SIK2: variants seen among roughly 807,000 people sequenced by gnomAD.
SIK2 encodes the protein salt inducible kinase 2.
Under a neutral mutation model 103.2 loss-of-function variants are expected in SIK2, and 29 were observed. The observed-to-expected ratio is 0.28, with a 90% confidence interval of 0.21 to 0.38. SIK2 has a LOEUF of 0.38. Ranked by LOEUF, SIK2 falls within the 10% of genes least tolerant of loss-of-function variation. SIK2 has a pLI of 1.00. For missense variants in SIK2, 879 were observed against 1,171.0 expected (o/e 0.75, Z 3.64); for synonymous variants, 412 against 446.1 (o/e 0.92, Z 0.96).
In SIK2 at chr11:111,722,641, C is replaced by T. The variant is rs1943836443; in HGVS notation, c.2056-24C>T. On this transcript the variant is annotated intron_variant, in intron 13 of 14. Coordinates refer to ENST00000304987, the MANE Select transcript of SIK2 (RefSeq NM_015191.3). This position sits in a 1 kb window ranked among gnomAD's most constrained non-coding sequence, Gnocchi z 4.4. The stretch of plus-strand genomic sequence containing the variant: ...CTAGGTGACAGCACATTGTCACGCT[C>T]ATGTTGTTTTTCTGCTCTTCCAGAA... 1.2e-6 allele frequency: 2 copies of T among 1,608,084 alleles called. No individual in the cohort carries two copies. The highest frequency in any genetic ancestry group is 1.7e-6 in the Non-Finnish European group (2 of 1,176,172).
At chr11:111,614,823 G>A (rs1455715283) in intron 1 of SIK2, among the ~76,000 whole-genome samples, 1 of 152,148 alleles carries the variant, frequency 6.6e-6, no homozygotes, top group Non-Finnish European at 1.5e-5. Flanking sequence ...AGCTGTCATA[G>A]CATGTGCAAT....
chr11:111,666,872 G>C (rs1181625184), intron 3 of SIK2, among the ~76,000 whole-genome samples: 1 of 152,092 alleles, frequency 6.6e-6, no homozygotes, highest in Non-Finnish European at 1.5e-5. Context: ...ATTTTTTGCA[G>C]ATAAATAGTC....
intron 3 of SIK2, among the ~76,000 whole-genome samples, chr11:111,651,116 A>T (rs1942321237): frequency 6.6e-6 from 1 of 152,194 alleles, no homozygotes; most frequent in South Asian, 2.1e-4. Context: ...TATAAAAGGA[A>T]GATTGTTCTT....
In SIK2 at chr11:111,694,561, G is replaced by T. The variant is rs1181610792; in HGVS notation, c.479-6325G>T. Among the ~76,000 whole-genome samples, 5 of 151,992 alleles carry T rather than the reference G, an allele frequency of 3.3e-5. No homozygotes were observed. In the East Asian group the frequency reaches 9.6e-4, roughly 29 times the overall value. ...GATTTGTCCCCTAGAACTGAAAAAG[G>T]GTAGGAGAGGCAAAGATAGGAAAAA... On this transcript the variant is annotated intron_variant, in intron 4 of 14. Coordinates refer to ENST00000304987, the MANE Select transcript of SIK2 (RefSeq NM_015191.3).
chr11:111,607,858 T>C lies in SIK2; in HGVS notation c.135+5160T>C, dbSNP rs61896950. On this transcript the variant is annotated intron_variant, in intron 1 of 14. Transcript: ENST00000304987. ...TTATATTCTGTAGAAATTTTAACTT[T>C]AACAGAGTTTAATGTGTTCTGATTT... Among the ~76,000 whole-genome samples, 813 of 152,350 alleles carry C rather than the reference T, an allele frequency of 5.3e-3. 4 individuals carry two copies. The highest frequency in any genetic ancestry group is 7.0e-3 in the Non-Finnish European group (478 of 68,012).
At chr11:111,666,971 A>C (rs1232555355) in intron 3 of SIK2, among the ~76,000 whole-genome samples, 1 of 149,948 alleles carries the variant, frequency 6.7e-6, no homozygotes, top group Non-Finnish European at 1.5e-5. Flanking sequence ...TTATTTATTT[A>C]TTTATTTATT....
chr11:111,671,629 G>T, intron 3 of SIK2: 1 of 352,138 alleles, frequency 2.8e-6, no homozygotes, highest in Non-Finnish European at 5.5e-6. Flanking sequence ...CATGTCCAGG[G>T]AGCAGCTGTT....
intron 3 of SIK2, among the ~76,000 whole-genome samples, chr11:111,627,240 A>G (rs1470852758): frequency 6.6e-6 from 1 of 152,164 alleles, no homozygotes; most frequent in South Asian, 2.1e-4. Context: ...TCCAAATAAC[A>G]TTAATCAAGT....
chr11:111,625,350 A>C (rs1941947834), intron 3 of SIK2, among the ~76,000 whole-genome samples: 1 of 152,200 alleles, frequency 6.6e-6, no homozygotes, highest in Non-Finnish European at 1.5e-5. Context: ...GTAGCAGTAC[A>C]GGTAGTCCTA....
intron 3 of SIK2, among the ~76,000 whole-genome samples, chr11:111,666,775 G>A (rs935089081): frequency 1.3e-5 from 2 of 151,956 alleles, no homozygotes; most frequent in African/African-American, 4.8e-5. Flanking sequence ...CTAAAAATAG[G>A]AACTTGAGTG....
At chr11:111,709,541 C>T (rs1369806213) in intron 8 of SIK2, among the ~76,000 whole-genome samples, 1 of 152,198 alleles carries the variant, frequency 6.6e-6, no homozygotes, top group Non-Finnish European at 1.5e-5. Context: ...AAAGAGTGAT[C>T]ACAATTTGTT....
chr11:111,705,435 G>A lies in SIK2; in HGVS notation c.1101+296G>A, dbSNP rs560088966. 6.6e-6 allele frequency among the ~76,000 whole-genome samples: 1 copy of A among 152,068 alleles called. No individual in the cohort carries two copies. Among genetic ancestry groups the A allele is most frequent in the Non-Finnish European group, 1.5e-5 (1 of 68,036 alleles). ...CAAATTTTTATTACAGATTTACCACGTGCGAGCTTCTATTCTTAGGCACTG... is the reference window on the plus strand; with the variant it reads ...CAAATTTTTATTACAGATTTACCACATGCGAGCTTCTATTCTTAGGCACTG... On this transcript the variant is annotated intron_variant, in intron 8 of 14. Coordinates refer to ENST00000304987, the MANE Select transcript of SIK2 (RefSeq NM_015191.3). The surrounding 1 kb of genome is among the most constrained non-coding windows in gnomAD (Gnocchi z 4.3).
At chr11:111,675,420 T>C (rs1171592956) in intron 3 of SIK2, among the ~76,000 whole-genome samples, 1 of 152,224 alleles carries the variant, frequency 6.6e-6, no homozygotes, top group Admixed American at 6.5e-5. Context: ...CCCTGTCAAT[T>C]CATCACTGAA....
intron 3 of SIK2, among the ~76,000 whole-genome samples, chr11:111,652,037 A>G (rs1458917116): frequency 1.3e-5 from 2 of 152,244 alleles, no homozygotes; most frequent in African/African-American, 4.8e-5. Context: ...TGAAGATAAT[A>G]CATCGGTGCT....
At chr11:111,635,378 G>T (rs1158917217) in intron 3 of SIK2, among the ~76,000 whole-genome samples, 1 of 148,372 alleles carries the variant, frequency 6.7e-6, no homozygotes, top group East Asian at 2.0e-4. Context: ...GAGAAGAGAA[G>T]GGAAGGGAGG....
Position 111,721,042 on chromosome 11 carries a change from C to G in SIK2, c.1924C>G (p.Leu642Val). Residue 642 changes from leucine to valine, a missense_variant, in exon 12 of 15, where the codon CTT (leucine) becomes GTT (valine). By Grantham distance (32) the Leu-to-Val change is conservative. Transcript: ENST00000304987. ...LAPAAPQLQD[L>V]ASSCPQEEVS... Reference sequence around the variant, plus strand: ...GCCGGCGGCTCCTCAGCTCCAGGACCTTGCTAGCAGCTGCCCTCAGGTGGG... The same window carrying G: ...GCCGGCGGCTCCTCAGCTCCAGGACGTTGCTAGCAGCTGCCCTCAGGTGGG... 1 of 1,613,704 alleles carries G rather than the reference C, an allele frequency of 6.2e-7. No homozygotes were observed. The highest frequency in any genetic ancestry group is 8.5e-7 in the Non-Finnish European group (1 of 1,179,846).
chr11:111,714,273 T>C (rs1943579244), intron 9 of SIK2, among the ~76,000 whole-genome samples: 1 of 152,028 alleles, frequency 6.6e-6, no homozygotes, highest in African/African-American at 2.4e-5. Context: ...ATGGAGGAGG[T>C]TAGCATTAAA....
At position 111,671,355 on chromosome 11, in the gene SIK2, A is replaced by T. The variant is rs376361591; in HGVS notation, c.317-16646A>T. The T allele has an allele frequency of 9.2e-4, 221 of 239,894 alleles. 4 individuals are homozygous for T. The South Asian group carries it at 0.013, about 14-fold the overall frequency. The allele number at this position is 239,894 out of a possible 1,614,324, so 14.9% of individuals were successfully genotyped here. ...CGGCCTCCAGCTCCACCAGCTTGGC[A>T]TTGGTGTGCTTAATGGCCAGCTCCC... is the stretch of plus-strand genomic sequence containing the variant. On this transcript the variant is annotated intron_variant, in intron 3 of 14. Coordinates refer to ENST00000304987, the MANE Select transcript of SIK2 (RefSeq NM_015191.3).
At position 111,705,016 on chromosome 11, in the gene SIK2, T is replaced by C. The variant is rs747605741; in HGVS notation, c.978T>C (p.Phe326=). The C allele has an allele frequency of 1.9e-6, 3 of 1,608,506 alleles. No individual in the cohort carries two copies. The East Asian group carries it at 6.7e-5, about 36-fold the overall frequency. Residue 326 remains phenylalanine (F), a synonymous_variant, in exon 8 of 15, where the codon TTT becomes TTC. Coordinates refer to ENST00000304987, the MANE Select transcript of SIK2 (RefSeq NM_015191.3). The surrounding 1 kb of genome is among the most constrained non-coding windows in gnomAD (Gnocchi z 4.3). ...TGCAGAACAAGAGCTATAACCACTT[T>C]GCTGCCATTTATTTCTTGTTGGTGG... is the stretch of plus-strand genomic sequence containing the variant. ...ESLQNKSYNH[F]AAIYFLLVER... is the part of the protein sequence containing the mutation.
Sources: allele counts gnomAD v4.1 joint callset (sites outside exome capture counted in the v4.1 genomes callset), GRCh38; gene constraint gnomAD v4.1.1; non-coding constraint Gnocchi (gnomAD v3.1); transcripts MANE v1.5; gene names NCBI Gene and HGNC (gene_info 2026-07-23, HGNC 2026-07-21).